MARCHF6: variants seen among roughly 807,000 people sequenced by gnomAD.
MARCHF6 encodes the protein membrane associated ring-CH-type finger 6.
MARCHF6 carries 31 observed loss-of-function variants against 133.7 expected under a neutral mutation model. That is an observed-to-expected ratio of 0.23 (90% CI 0.17 to 0.31). The LOEUF (loss-of-function observed/expected upper bound fraction) is 0.31, where lower values mean the gene tolerates loss of function less well. Among genes scored for constraint, MARCHF6 ranks in the 10% least tolerant of loss-of-function variants. The pLI is 1.00. For synonymous variants in MARCHF6, 395 were observed against 402.5 expected (o/e 0.98, Z 0.22); for missense variants, 723 against 1,121.6 (o/e 0.64, Z 5.08).
chr5:10,384,924 A>G (rs964107082), intron 4 of MARCHF6, among the ~76,000 whole-genome samples: 1 of 152,222 alleles, frequency 6.6e-6, no homozygotes, highest in Non-Finnish European at 1.5e-5. Flanking sequence ...TTTTATTAAT[A>G]GTACTTAAAA....
chr5:10,375,864 A>G (rs1185260022), intron 1 of MARCHF6, among the ~76,000 whole-genome samples: 7 of 151,354 alleles, frequency 4.6e-5, no homozygotes, highest in Non-Finnish European at 7.4e-5. Flanking sequence ...TGTTTAGCTC[A>G]AGGTTTGTGA....
At chr5:10,400,358 T>G (rs1267656789) in intron 10 of MARCHF6, among the ~76,000 whole-genome samples, 1 of 152,198 alleles carries the variant, frequency 6.6e-6, no homozygotes, top group Non-Finnish European at 1.5e-5. Flanking sequence ...AATTGGTGTA[T>G]TAACTATTCA....
At chr5:10,369,642 G>A (rs1283828535) in intron 1 of MARCHF6, among the ~76,000 whole-genome samples, 1 of 114,758 alleles carries the variant, frequency 8.7e-6, no homozygotes, top group African/African-American at 3.6e-5. Context: ...ACCCTTTTAT[G>A]GTCAACTTTG....
chr5:10,421,807 TGGAG>T (rs953883461), intron 22 of MARCHF6: 6 of 152,252 alleles, frequency 3.9e-5, no homozygotes, highest in African/African-American at 1.4e-4. Flanking sequence ...AGGAGACTGT[TGGAG>T]GGCTATCCCA....
intron 25 of MARCHF6, among the ~76,000 whole-genome samples, chr5:10,432,899 CTTT>C (rs752051489): frequency 1.8e-4 from 25 of 136,200 alleles, no homozygotes; most frequent in Middle Eastern, 3.8e-3. Flanking sequence ...TCCCTTCCTA[CTTT>C]TTTTTTTTTT....
intron 1 of MARCHF6, among the ~76,000 whole-genome samples, chr5:10,357,897 T>G (rs1161730682): frequency 6.6e-6 from 1 of 151,894 alleles, no homozygotes; most frequent in Non-Finnish European, 1.5e-5. Context: ...AACTAGAAGG[T>G]TATAAACGCT....
intron 4 of MARCHF6, among the ~76,000 whole-genome samples, chr5:10,384,664 G>A (rs1462620075): frequency 6.6e-6 from 1 of 152,158 alleles, no homozygotes; most frequent in Non-Finnish European, 1.5e-5. Context: ...AAATGCACAA[G>A]GAGGGTGACT....
intron 1 of MARCHF6, among the ~76,000 whole-genome samples, chr5:10,376,930 C>T (rs888720876): frequency 1.3e-5 from 2 of 152,170 alleles, no homozygotes; most frequent in Non-Finnish European, 2.9e-5. Context: ...ATTCTCCCTC[C>T]GATAGGCCAC....
At chr5:10,391,102 T>C (rs2126729658) in intron 6 of MARCHF6, among the ~76,000 whole-genome samples, 1 of 152,348 alleles carries the variant, frequency 6.6e-6, no homozygotes, top group Middle Eastern at 3.4e-3. Context: ...AAAAAGAATT[T>C]AGTAGAGTTT....
At position 10,427,628 on chromosome 5, in the gene MARCHF6, A is replaced by G. The variant is rs78606808; in HGVS notation, c.2506+1106A>G. 1.5e-3 allele frequency among the ~76,000 whole-genome samples: 230 copies of G among 152,106 alleles called. 1 individual carries two copies. The highest frequency in any genetic ancestry group is 5.2e-3 in the African/African-American group (217 of 41,490). ...CCCTTTAACCGTGAGAGAGGAGCTTAAAAAAAACACACAACCAAACTTGCA... is the reference window on the plus strand; with the variant it reads ...CCCTTTAACCGTGAGAGAGGAGCTTGAAAAAAACACACAACCAAACTTGCA... On this transcript the variant is annotated intron_variant, in intron 24 of 25. Transcript: ENST00000274140.
chr5:10,385,477 C>A (rs903390158), intron 4 of MARCHF6, among the ~76,000 whole-genome samples: 2 of 152,150 alleles, frequency 1.3e-5, no homozygotes, highest in African/African-American at 4.8e-5. Flanking sequence ...AAATTAAATA[C>A]ATCTGTAATC....
intron 22 of MARCHF6, among the ~76,000 whole-genome samples, chr5:10,418,882 A>G (rs975944559): frequency 2.6e-5 from 4 of 152,310 alleles, no homozygotes; most frequent in African/African-American, 9.6e-5. Flanking sequence ...GAACTGTGGC[A>G]TTGTGTAGGA....
intron 1 of MARCHF6, among the ~76,000 whole-genome samples, chr5:10,376,610 G>A (rs1050495045): frequency 7.2e-5 from 11 of 152,122 alleles, no homozygotes; most frequent in African/African-American, 2.7e-4. Context: ...TTAGACAAAT[G>A]GCATTCAGCC....
chr5:10,375,680 A>G (rs547778188), intron 1 of MARCHF6, among the ~76,000 whole-genome samples: 45 of 152,182 alleles, frequency 3.0e-4, no homozygotes, highest in Admixed American at 1.3e-3. Context: ...AAACACACCA[A>G]TCAGCACCCT....
At chr5:10,427,944 C>A (rs1740175924) in intron 24 of MARCHF6, among the ~76,000 whole-genome samples, 1 of 152,136 alleles carries the variant, frequency 6.6e-6, no homozygotes, top group Non-Finnish European at 1.5e-5. Flanking sequence ...GTGGCGCACA[C>A]CTGTAATCTC....
intron 24 of MARCHF6, among the ~76,000 whole-genome samples, chr5:10,428,741 CT>C (rs1740222132): frequency 6.6e-6 from 1 of 152,074 alleles, no homozygotes; most frequent in Admixed American, 6.5e-5. Context: ...GCCCTATTTT[CT>C]TTTTTATTCT....
chr5:10,430,802 A>G (rs1740327360), intron 25 of MARCHF6, among the ~76,000 whole-genome samples: 1 of 152,214 alleles, frequency 6.6e-6, no homozygotes, highest in Admixed American at 6.5e-5. Flanking sequence ...GGTTACTGCA[A>G]AAATGTTGTG....
In MARCHF6 at chr5:10,433,582, T is replaced by C; in HGVS notation, c.2643-12T>C. 6.2e-7 allele frequency: 1 copy of C among 1,612,298 alleles called. No individual in the cohort carries two copies. The highest frequency in any genetic ancestry group is 8.5e-7 in the Non-Finnish European group (1 of 1,178,310). On this transcript the variant is annotated splice_polypyrimidine_tract_variant and intron_variant, in intron 25 of 25. Transcript: ENST00000274140. ...CATAGAAGAGAGTAACCACCTTGTTTTTGCAACCTAGGTACCTTGTGGGTC... is the reference window on the plus strand; with the variant it reads ...CATAGAAGAGAGTAACCACCTTGTTCTTGCAACCTAGGTACCTTGTGGGTC...
intron 24 of MARCHF6, among the ~76,000 whole-genome samples, chr5:10,428,692 T>C (rs1740220114): frequency 1.3e-5 from 2 of 152,206 alleles, no homozygotes; most frequent in African/African-American, 4.8e-5. Flanking sequence ...TTTGACTCTT[T>C]AGAACAATCT....
Sources: gnomAD v4.1 joint callset for allele counts (sites outside exome capture counted in the v4.1 genomes callset) on GRCh38, gnomAD v4.1.1 for gene constraint, MANE v1.5 for transcripts, NCBI Gene and HGNC (gene_info 2026-07-23, HGNC 2026-07-21) for gene names.